The following PSMD14 variants were observed in gnomAD, a reference collection of about 807,000 sequenced individuals.
PSMD14 encodes the protein ubiquitin C-terminal hydrolase PSMD14.
Under a neutral mutation model 41.2 loss-of-function variants are expected in PSMD14, and 7 were observed. The ratio of observed to expected loss-of-function variants is 0.17; its 90% CI spans 0.10 to 0.32. PSMD14 has a LOEUF of 0.32. PSMD14 is among the 10% of genes least tolerant of loss of function. The pLI is 1.00. For missense variants in PSMD14, 139 were observed against 375.6 expected (o/e 0.37, Z 5.21); for synonymous variants, 114 against 122.3 (o/e 0.93, Z 0.45).
intron 3 of PSMD14, among the ~76,000 whole-genome samples, chr2:161,333,770 C>T (rs934139026): frequency 5.3e-5 from 8 of 152,182 alleles, no homozygotes; most frequent in African/African-American, 1.9e-4. Context: ...TGGTGGCTCA[C>T]GCCTGTAATC....
At chr2:161,337,307 T>G (rs2105239592) in intron 3 of PSMD14, among the ~76,000 whole-genome samples, 1 of 152,366 alleles carries the variant, frequency 6.6e-6, no homozygotes, top group African/African-American at 2.4e-5. Flanking sequence ...TGCTCTTTTT[T>G]GGTATCAGTA....
intron 10 of PSMD14, chr2:161,408,534 C>T (rs558030930): frequency 1.1e-4 from 36 of 321,956 alleles, no homozygotes; most frequent in African/African-American, 7.1e-4. Flanking sequence ...GTACTTCCAT[C>T]TCCCATCTCC....
intron 3 of PSMD14, among the ~76,000 whole-genome samples, chr2:161,324,069 C>A (rs932234744): frequency 6.6e-6 from 1 of 152,136 alleles, no homozygotes; most frequent in Admixed American, 6.5e-5. Flanking sequence ...TTCATTTTAG[C>A]TTTGGAAATA....
At chr2:161,400,698 C>T (rs1683863527) in intron 10 of PSMD14, among the ~76,000 whole-genome samples, 1 of 152,058 alleles carries the variant, frequency 6.6e-6, no homozygotes, top group African/African-American at 2.4e-5. Flanking sequence ...GGACTACAGG[C>T]ATGTGCCATC....
chr2:161,336,664 C>G (rs1682875688), intron 3 of PSMD14, among the ~76,000 whole-genome samples: 1 of 152,126 alleles, frequency 6.6e-6, no homozygotes, highest in South Asian at 2.1e-4. Flanking sequence ...CAACCTCTGC[C>G]TCCTAGGTTC....
intron 3 of PSMD14, among the ~76,000 whole-genome samples, chr2:161,359,660 T>C (rs1683261949): frequency 6.6e-6 from 1 of 152,208 alleles, no homozygotes; most frequent in South Asian, 2.1e-4. Flanking sequence ...GTGAGCATAC[T>C]AACTACTTTT....
At chr2:161,345,572 T>G (rs949572294) in intron 3 of PSMD14, among the ~76,000 whole-genome samples, 5 of 152,120 alleles carry the variant, frequency 3.3e-5, no homozygotes, top group Non-Finnish European at 5.9e-5. Context: ...CTATTCATAT[T>G]GTTGTATAAT....
intron 3 of PSMD14, among the ~76,000 whole-genome samples, chr2:161,334,801 G>A (rs916410960): frequency 6.6e-6 from 1 of 152,270 alleles, no homozygotes; most frequent in African/African-American, 2.4e-5. Context: ...GAGCTCAAGT[G>A]ATTCTCCCTC....
At chr2:161,357,076 C>CTTTTTTTGTTTTTTTTTTTTTTTTTTTT (rs1683217761) in intron 3 of PSMD14, among the ~76,000 whole-genome samples, 1 of 124,192 alleles carries the variant, frequency 8.1e-6, no homozygotes, top group Non-Finnish European at 1.6e-5. Flanking sequence ...TGGCAAATGC[C>CTTTTTTTGTTTTTTTTTTTTTTTTTTTT]TTTTTTTTTT....
chr2:161,330,101 A>G (rs1344810648), intron 3 of PSMD14, among the ~76,000 whole-genome samples: 3 of 149,510 alleles, frequency 2.0e-5, no homozygotes, highest in Non-Finnish European at 3.0e-5. Context: ...ATGATAAATA[A>G]ATTTGTTCAA....
chr2:161,332,270 A>G (rs765409690), intron 3 of PSMD14, among the ~76,000 whole-genome samples: 8 of 152,264 alleles, frequency 5.3e-5, no homozygotes, highest in Non-Finnish European at 1.0e-4. Flanking sequence ...AGAGGTTACA[A>G]ATAGTACAAC....
At chr2:161,337,635 T>G (rs994595165) in intron 3 of PSMD14, among the ~76,000 whole-genome samples, 2 of 152,220 alleles carry the variant, frequency 1.3e-5, no homozygotes, top group Non-Finnish European at 2.9e-5. Context: ...AATTAACCAG[T>G]GCAGAAATGA....
chr2:161,326,136 CAA>C (rs1682692343), intron 3 of PSMD14, among the ~76,000 whole-genome samples: 1 of 152,142 alleles, frequency 6.6e-6, no homozygotes, highest in Non-Finnish European at 1.5e-5. Flanking sequence ...CTCCTGGACT[CAA>C]GAGATTCTTC....
At chr2:161,312,152 T>TC (rs1175927554) in intron 1 of PSMD14, among the ~76,000 whole-genome samples, 1 of 151,950 alleles carries the variant, frequency 6.6e-6, no homozygotes, top group Non-Finnish European at 1.5e-5. Flanking sequence ...GTAATTTTTT[T>TC]TTTTTTTTTG....
chr2:161,340,183 G>C (rs1416842737), intron 3 of PSMD14, among the ~76,000 whole-genome samples: 4 of 152,122 alleles, frequency 2.6e-5, no homozygotes, highest in Non-Finnish European at 5.9e-5. Context: ...GGCTGAATCC[G>C]AGATTCCTCT....
At chr2:161,347,369 G>A (rs954511784) in intron 3 of PSMD14, among the ~76,000 whole-genome samples, 2 of 151,930 alleles carry the variant, frequency 1.3e-5, no homozygotes, top group Admixed American at 1.3e-4. Context: ...GGCTGGTCTC[G>A]AACTACTCAA....
chr2:161,342,214 C>G (rs909574044), intron 3 of PSMD14, among the ~76,000 whole-genome samples: 1 of 152,128 alleles, frequency 6.6e-6, no homozygotes, highest in Middle Eastern at 3.2e-3. Context: ...CCTGTCTTGT[C>G]CTGATCGTAG....
At chr2:161,313,776 A>T (rs930855607) in intron 1 of PSMD14, among the ~76,000 whole-genome samples, 1 of 152,240 alleles carries the variant, frequency 6.6e-6, no homozygotes, top group Admixed American at 6.5e-5. Flanking sequence ...AACCTAGAAC[A>T]TACTTGTCTT....
intron 7 of PSMD14, chr2:161,382,998 T>C (rs1032979263): frequency 3.3e-5 from 5 of 151,534 alleles, no homozygotes; most frequent in African/African-American, 1.2e-4. Flanking sequence ...TACACAAACA[T>C]GGAGAAACGC....
Sources: gnomAD v4.1 joint callset for allele counts (sites outside exome capture counted in the v4.1 genomes callset) on GRCh38, gnomAD v4.1.1 for gene constraint, MANE v1.5 for transcripts, NCBI Gene and HGNC (gene_info 2026-07-23, HGNC 2026-07-21) for gene names.